Variants in KLF8 observed in about 807,000 individuals in gnomAD.
KLF8 encodes the protein Krueppel-like factor 8.
In KLF8, 10 loss-of-function variants were observed where a neutral mutation model predicts 18.2. The observed-to-expected ratio is 0.55, with a 90% confidence interval of 0.34 to 0.93. The LOEUF (loss-of-function observed/expected upper bound fraction) is 0.93, where lower values mean the gene tolerates loss of function less well. Ranked by LOEUF, KLF8 falls within the 40% of genes least tolerant of loss-of-function variation. KLF8 has a pLI of 0.02. For missense variants in KLF8, 264 were observed against 277.9 expected (o/e 0.95, Z 0.36); for synonymous variants, 109 against 97.3 (o/e 1.12, Z -0.71).
chrX:56,032,998 G>A, the KLF8 span, among the ~76,000 whole-genome samples: 10 of 111,636 alleles, frequency 9.0e-5, no homozygotes, highest in Admixed American at 2.8e-4. Context: ...CACCATTTGT[G>A]TTTTTAAATT....
the KLF8 span, among the ~76,000 whole-genome samples, chrX:55,975,328 A>C: frequency 8.9e-6 from 1 of 111,850 alleles, no homozygotes; most frequent in Non-Finnish European, 1.9e-5. Context: ...GTGGTGAACA[A>C]GGGGAAGAGT....
the KLF8 span, among the ~76,000 whole-genome samples, chrX:56,207,129 C>A: frequency 8.9e-6 from 1 of 112,304 alleles, no homozygotes; most frequent in African/African-American, 3.2e-5. Flanking sequence ...CTGGGCCCAG[C>A]CCATGATATT....
chrX:56,113,228 C>G, the KLF8 span, among the ~76,000 whole-genome samples: 4 of 106,978 alleles, frequency 3.7e-5, no homozygotes, highest in African/African-American at 1.4e-4. Context: ...CAGTCTTTGT[C>G]TAGGAAGTTG....
the KLF8 span, among the ~76,000 whole-genome samples, chrX:56,064,994 T>G: frequency 3.6e-5 from 4 of 111,832 alleles, no homozygotes; most frequent in African/African-American, 1.3e-4. Flanking sequence ...ATATGCGCCT[T>G]TATGTGCATT....
the KLF8 span, among the ~76,000 whole-genome samples, chrX:56,163,169 C>T: frequency 1.8e-5 from 2 of 111,891 alleles, no homozygotes; most frequent in South Asian, 7.4e-4. Context: ...GGAATTACTG[C>T]ACTATCTTCC....
the KLF8 span, among the ~76,000 whole-genome samples, chrX:56,016,783 A>C: frequency 1.8e-5 from 2 of 111,953 alleles, no homozygotes; most frequent in African/African-American, 3.2e-5. Context: ...ACTAGGATTC[A>C]AATTAGATTT....
the KLF8 span, among the ~76,000 whole-genome samples, chrX:56,089,395 G>T: frequency 8.9e-6 from 1 of 112,064 alleles, no homozygotes; most frequent in South Asian, 3.6e-4. Flanking sequence ...AATAACATTT[G>T]TGTCTGAAAT....
the KLF8 span, among the ~76,000 whole-genome samples, chrX:56,030,454 G>A: frequency 9.0e-6 from 1 of 111,720 alleles, no homozygotes; most frequent in Non-Finnish European, 1.9e-5. Context: ...ATAGTTTGGA[G>A]CAAGTCAATT....
chrX:56,236,687 G>A (rs1458929420), intron 1 of KLF8, among the ~76,000 whole-genome samples: 1 of 110,600 alleles, frequency 9.0e-6, no homozygotes, highest in Non-Finnish European at 1.9e-5. Context: ...ATTCCGCCTG[G>A]CTCAAAATTC....
the KLF8 span, among the ~76,000 whole-genome samples, chrX:55,927,391 T>A: frequency 2.7e-5 from 3 of 112,049 alleles, no homozygotes; most frequent in Non-Finnish European, 3.8e-5. Flanking sequence ...CTTATGCACA[T>A]ATGTGAGAGT....
At chrX:56,232,149 A>C (rs1183405259), upstream of KLF8, among the ~76,000 whole-genome samples, 1 of 111,693 alleles carries the variant, frequency 9.0e-6, no homozygotes, top group African/African-American at 3.3e-5. Flanking sequence ...GCATAACCGG[A>C]GTAAATAGGT....
chrX:56,175,797 A>G, the KLF8 span, among the ~76,000 whole-genome samples: 3 of 111,484 alleles, frequency 2.7e-5, no homozygotes, highest in African/African-American at 6.5e-5. Context: ...TTGGGTGCAT[A>G]TATATTTAGG....
chrX:56,050,706 A>G, the KLF8 span, among the ~76,000 whole-genome samples: 3 of 111,788 alleles, frequency 2.7e-5, no homozygotes, highest in South Asian at 7.5e-4. Context: ...TCAATTTTGG[A>G]ATATGTGTGG....
the KLF8 span, among the ~76,000 whole-genome samples, chrX:56,213,300 TTTTCTTTTCTTTTC>T: frequency 2.8e-4 from 14 of 49,328 alleles, no homozygotes; most frequent in African/African-American, 6.0e-4. Context: ...TTTTCTTTTC[TTTTCTTTTCTTTTC>T]TTTTTTTTTT....
the KLF8 span, among the ~76,000 whole-genome samples, chrX:56,069,811 C>T: frequency 1.5e-4 from 17 of 111,883 alleles, no homozygotes; most frequent in Non-Finnish European, 3.0e-4. Flanking sequence ...TCCTGCCCAG[C>T]GGTCCTGCCC....
the KLF8 span, among the ~76,000 whole-genome samples, chrX:56,154,047 C>G: frequency 9.0e-6 from 1 of 111,281 alleles, no homozygotes; most frequent in Non-Finnish European, 1.9e-5. Flanking sequence ...ATCAAGCCAC[C>G]AATGACTTTC....
At chrX:56,233,975 G>C (rs772123277) in intron 1 of KLF8, among the ~76,000 whole-genome samples, 2 of 111,450 alleles carry the variant, frequency 1.8e-5, no homozygotes, top group South Asian at 7.5e-4. Context: ...CAGTTGGTTC[G>C]TCTGTGTAGG....
chrX:56,079,550 C>A, the KLF8 span, among the ~76,000 whole-genome samples: 2 of 111,258 alleles, frequency 1.8e-5, no homozygotes, highest in Non-Finnish European at 3.8e-5. Context: ...CTGAGGAGAG[C>A]TTTACTTCCC....
chrX:56,279,149 TC>T (rs1176656420), intron 5 of KLF8, among the ~76,000 whole-genome samples: 1 of 111,380 alleles, frequency 9.0e-6, no homozygotes, highest in African/African-American at 3.3e-5. Context: ...GATTTTTCGT[TC>T]TTTTTTTTTA....
Sources: allele counts gnomAD v4.1 joint callset (sites outside exome capture counted in the v4.1 genomes callset), GRCh38; gene constraint gnomAD v4.1.1; transcripts MANE v1.5; gene names NCBI Gene and HGNC (gene_info 2026-07-23, HGNC 2026-07-21).